OLFM2: variants seen among roughly 807,000 people sequenced by gnomAD.
The protein encoded by OLFM2 is olfactomedin 2.
Under a neutral mutation model 43.9 loss-of-function variants are expected in OLFM2, and 20 were observed. That is an observed-to-expected ratio of 0.46 (90% CI 0.32 to 0.66). The LOEUF (loss-of-function observed/expected upper bound fraction) is 0.66, where lower values mean the gene tolerates loss of function less well. Ranked by LOEUF, OLFM2 falls within the 30% of genes least tolerant of loss-of-function variation. OLFM2 has a pLI of 0.04. For synonymous variants in OLFM2, 268 were observed against 278.6 expected, an observed-to-expected ratio of 0.96 and a Z score of 0.38; for missense variants, 416 against 643.6, an observed-to-expected ratio of 0.65 and a Z score of 3.83.
chr19:9,930,869 A>T (rs949463015), intron 1 of OLFM2, among the ~76,000 whole-genome samples: 1 of 151,848 alleles, frequency 6.6e-6, no homozygotes, highest in Admixed American at 6.6e-5. Flanking sequence ...CATCATCATC[A>T]TCATCATCAA....
At chr19:9,935,351 T>C (rs1478930706) in intron 1 of OLFM2, among the ~76,000 whole-genome samples, 5 of 152,038 alleles carry the variant, frequency 3.3e-5, no homozygotes, top group African/African-American at 1.2e-4. Flanking sequence ...GGAGAGGGGC[T>C]TTCCAATAGC....
At chr19:9,923,872 G>A (rs886440347) in intron 1 of OLFM2, among the ~76,000 whole-genome samples, 1 of 151,650 alleles carries the variant, frequency 6.6e-6, no homozygotes, top group Non-Finnish European at 1.5e-5. Context: ...GGCTAAGGCA[G>A]GTGGATTACC....
chr19:9,886,103 G>GAAA (rs71297593), intron 1 of OLFM2, among the ~76,000 whole-genome samples: 19 of 148,608 alleles, frequency 1.3e-4, no homozygotes, highest in South Asian at 6.4e-4. Context: ...TCTCAAAAAA[G>GAAA]AAAAAAAAAA....
chr19:9,914,301 T>TG (rs1004445252), intron 1 of OLFM2, among the ~76,000 whole-genome samples: 1 of 150,498 alleles, frequency 6.6e-6, no homozygotes, highest in African/African-American at 2.4e-5. Flanking sequence ...TTGGGGGGCG[T>TG]GGGGGGGCGA....
intron 1 of OLFM2, among the ~76,000 whole-genome samples, chr19:9,924,851 AG>A (rs2086443059): frequency 6.6e-6 from 1 of 151,952 alleles, no homozygotes; most frequent in Non-Finnish European, 1.5e-5. Flanking sequence ...ATTGGCCGGG[AG>A]TTCAATGTTA....
In OLFM2 at chr19:9,936,199, TG is replaced by T. The variant is rs1206688543; in HGVS notation, c.63+104del. The T allele has an allele frequency of 4.1e-5, 50 of 1,232,978 alleles. No individual in the cohort carries two copies. In the Admixed American group the frequency reaches 4.7e-4, roughly 12 times the overall value. 76.4% of individuals were successfully genotyped at this position (1,232,978 alleles called of 1,614,324 possible). Reference sequence around the variant, plus strand: ...CCCCCGCCCCTCGCCGCCCTGCAGCTGGGGGGGCTTGTGGAGCCTCCCAACC... The same window carrying T: ...CCCCCGCCCCTCGCCGCCCTGCAGCTGGGGGGCTTGTGGAGCCTCCCAACC... On this transcript the variant is annotated intron_variant, in intron 1 of 5. Transcript: ENST00000264833.
rs551067724 is a variant in OLFM2, at chr19:9,901,205, C to T, written c.63+35099G>A. On this transcript the variant is annotated intron_variant, in intron 1 of 5. Coordinates refer to ENST00000264833, the MANE Select transcript of OLFM2 (RefSeq NM_058164.4). ...GAAAGAAGGAAAGAAGGAAAGAGGACGGAAAGAAAGAAAGGAGAAAAAAAA... is the reference window on the plus strand; with the variant it reads ...GAAAGAAGGAAAGAAGGAAAGAGGATGGAAAGAAAGAAAGGAGAAAAAAAA... Among the ~76,000 whole-genome samples the T allele has an allele frequency of 1.2e-4, 15 of 125,844 alleles. No homozygotes were observed. The Middle Eastern group carries it at 0.021, about 177-fold the overall frequency. 82.6% of individuals were successfully genotyped at this position (125,844 alleles called of 152,430 possible).
intron 1 of OLFM2, among the ~76,000 whole-genome samples, chr19:9,927,822 T>C (rs1438067365): frequency 6.6e-6 from 1 of 152,132 alleles, no homozygotes; most frequent in Non-Finnish European, 1.5e-5. Flanking sequence ...TCCCAGCACC[T>C]TGGGAGGCTG....
chr19:9,931,810 CCTCT>C (rs2086484528), intron 1 of OLFM2, among the ~76,000 whole-genome samples: 1 of 152,084 alleles, frequency 6.6e-6, no homozygotes, highest in South Asian at 2.1e-4. Context: ...CTCAAGAGAC[CCTCT>C]GGCTTTGGTC....
At position 9,857,051 on chromosome 19, in the gene OLFM2, T is replaced by C. The variant is rs949132476; in HGVS notation, c.581-138A>G. On this transcript the variant is annotated intron_variant, in intron 4 of 5. Transcript: ENST00000264833. The surrounding 1 kb of genome is among the most constrained non-coding windows in gnomAD (Gnocchi z 5.7). ...AAGACTCAAAAATCTGGTCCCAATATGTTGTTCAGTTGTGAGTGAGGGGTT... is the reference window on the plus strand; with the variant it reads ...AAGACTCAAAAATCTGGTCCCAATACGTTGTTCAGTTGTGAGTGAGGGGTT... 3.5e-6 allele frequency: 3 copies of C among 855,210 alleles called. No individual in the cohort carries two copies. The allele number at this position is 855,210 out of a possible 1,614,324, so 53.0% of individuals were successfully genotyped here. A position where few individuals can be genotyped will look rare whatever the true frequency, so the allele number is the denominator to read the frequency against.
chr19:9,868,560 A>T (rs1019198601), intron 1 of OLFM2, among the ~76,000 whole-genome samples: 1 of 152,182 alleles, frequency 6.6e-6, no homozygotes, highest in Non-Finnish European at 1.5e-5. Context: ...AGTCATTAAA[A>T]ATTAGAGATT....
intron 1 of OLFM2, chr19:9,913,658 C>T: frequency 1.7e-6 from 2 of 1,189,540 alleles, no homozygotes. Context: ...CGCCGCGCGT[C>T]CCTTCTCTGG....
chr19:9,926,627 T>G (rs73502906), intron 1 of OLFM2, among the ~76,000 whole-genome samples: 1 of 152,090 alleles, frequency 6.6e-6, no homozygotes, highest in Non-Finnish European at 1.5e-5. Context: ...CAATTAAAAA[T>G]TTTTAAAGTC....
intron 1 of OLFM2, among the ~76,000 whole-genome samples, chr19:9,911,447 C>T (rs899329402): frequency 2.0e-5 from 3 of 152,066 alleles, no homozygotes; most frequent in African/African-American, 2.4e-5. Context: ...CTGTTAGCTA[C>T]GAATGGGCCA....
Position 9,856,799 on chromosome 19 carries a change from T to A in OLFM2, c.687+8A>T, listed in dbSNP as rs1301045180. 2.3e-5 allele frequency: 37 copies of A among 1,609,938 alleles called. No homozygotes were observed. Among genetic ancestry groups the A allele is most frequent in the Non-Finnish European group, 3.1e-5 (37 of 1,177,566 alleles). On this transcript the variant is annotated splice_region_variant and intron_variant, in intron 5 of 5. Coordinates refer to ENST00000264833, the MANE Select transcript of OLFM2 (RefSeq NM_058164.4). The surrounding 1 kb of genome is among the most constrained non-coding windows in gnomAD (Gnocchi z 4.0). ...GCCCTGACCCCAGGGGTGGGCGCAGTCACTCACCCGGCTATCCGCACTGGG... is the reference window on the plus strand; with the variant it reads ...GCCCTGACCCCAGGGGTGGGCGCAGACACTCACCCGGCTATCCGCACTGGG...
chr19:9,924,735 C>T (rs1259990520), intron 1 of OLFM2, among the ~76,000 whole-genome samples: 1 of 152,108 alleles, frequency 6.6e-6, no homozygotes, highest in Non-Finnish European at 1.5e-5. Flanking sequence ...CCCCCACGCA[C>T]CGTGCTGAAG....
Position 9,857,460 on chromosome 19 carries a change from TC to T in OLFM2, c.382del (p.Glu128AsnfsTer5). On this transcript the variant is annotated frameshift_variant, in exon 4 of 6. Transcript: ENST00000264833. LOFTEE classifies it high-confidence loss of function. The surrounding 1 kb of genome is among the most constrained non-coding windows in gnomAD (Gnocchi z 5.7). ...CAGGACCGAGCTCAGGGGCAACAGT[TC>T]CGTCATCCTGTCCTTCAGCTCCTGT... ...SFQELKDRMT[E>X]LLPLSSVLEQ... 1 of 1,613,926 alleles carries T rather than the reference TC, an allele frequency of 6.2e-7. No individual in the cohort carries two copies. The highest frequency in any genetic ancestry group is 8.5e-7 in the Non-Finnish European group (1 of 1,180,024).
intron 1 of OLFM2, among the ~76,000 whole-genome samples, chr19:9,908,514 G>C (rs1410212807): frequency 9.3e-6 from 1 of 107,208 alleles, no homozygotes; most frequent in Non-Finnish European, 1.7e-5. Context: ...GTCTTGCTCT[G>C]TCACCCAGGC....
At position 9,872,084 on chromosome 19, in the gene OLFM2, G is replaced by A. The variant is rs11669058; in HGVS notation, c.64-11290C>T. On this transcript the variant is annotated intron_variant, in intron 1 of 5. Coordinates refer to ENST00000264833, the MANE Select transcript of OLFM2 (RefSeq NM_058164.4). ...AGGGCCGTGATGAATGATGGAGAAT[G>A]TGCCTGTCTGCTATGTCTGAGCCGT... Among the ~76,000 whole-genome samples the A allele has an allele frequency of 6.2e-3, 946 of 152,304 alleles. 8 individuals carry two copies. The highest frequency in any genetic ancestry group is 0.01 in the Non-Finnish European group (689 of 68,032).
Sources: gnomAD v4.1 joint callset for allele counts (sites outside exome capture counted in the v4.1 genomes callset) on GRCh38, gnomAD v4.1.1 for gene constraint, Gnocchi (gnomAD v3.1) non-coding constraint, MANE v1.5 for transcripts, NCBI Gene and HGNC (gene_info 2026-07-23, HGNC 2026-07-21) for gene names.